ATF2: variants seen among roughly 807,000 people sequenced by gnomAD.
ATF2 encodes the protein activating transcription factor 2.
Under a neutral mutation model 60.6 loss-of-function variants are expected in ATF2, and 24 were observed. The ratio of observed to expected loss-of-function variants is 0.40; its 90% CI spans 0.29 to 0.56. The LOEUF (loss-of-function observed/expected upper bound fraction) is 0.56. Among genes scored for constraint, ATF2 ranks in the 20% least tolerant of loss-of-function variants. The pLI is 0.54. For synonymous variants in ATF2, 206 were observed against 215.4 expected, an observed-to-expected ratio of 0.96 and a Z score of 0.38; for missense variants, 433 against 607.7, an observed-to-expected ratio of 0.71 and a Z score of 3.02.
At chr2:175,111,721 C>A in intron 9 of ATF2, 67 bp from the exon 10 acceptor site, 2 of 1,330,494 alleles carry the variant, frequency 1.5e-6, no homozygotes, top group Non-Finnish European at 2.1e-6. Context: ...TACTTTACTG[C>A]TGTTGTAATA....
chr2:175,150,937 T>C (rs1402373230), intron 2 of ATF2, 123 bp downstream of exon 2: 1 of 152,486 alleles, frequency 6.6e-6, no homozygotes, highest in East Asian at 1.9e-4. Context: ...ACACTATCAA[T>C]ACGGTAGGAC....
At chr2:175,162,182 A>G (rs1175227712) in intron 1 of ATF2, among the ~76,000 whole-genome samples, 3 of 152,264 alleles carry the variant, frequency 2.0e-5, no homozygotes, top group Non-Finnish European at 4.4e-5. Flanking sequence ...AAAAGAAACA[A>G]AGACAGTAAA....
intron 1 of ATF2, among the ~76,000 whole-genome samples, chr2:175,163,919 A>G (rs1328240067): frequency 6.4e-4 from 51 of 80,070 alleles, no homozygotes; most frequent in Non-Finnish European, 2.3e-4. Flanking sequence ...ACTCCGTCTC[A>G]AAAAAAAAAA....
intron 10 of ATF2, among the ~76,000 whole-genome samples, chr2:175,106,189 A>G (rs1416007268): frequency 1.3e-5 from 2 of 152,210 alleles, no homozygotes; most frequent in Non-Finnish European, 2.9e-5. Flanking sequence ...TAGACAGTAG[A>G]AATATACGTA....
chr2:175,099,705 A>G (rs1476641179), intron 10 of ATF2, among the ~76,000 whole-genome samples: 1 of 152,226 alleles, frequency 6.6e-6, no homozygotes, highest in East Asian at 1.9e-4. Context: ...TTTTAATTGT[A>G]TAGTATCCCC....
At chr2:175,106,574 G>A (rs1397952897) in intron 10 of ATF2, among the ~76,000 whole-genome samples, 2 of 151,468 alleles carry the variant, frequency 1.3e-5, no homozygotes, top group Non-Finnish European at 2.9e-5. Flanking sequence ...AGTGACTCAC[G>A]CCTGTAATCC....
chr2:175,089,619 GA>G (rs1694404703), intron 12 of ATF2, among the ~76,000 whole-genome samples: 1 of 152,174 alleles, frequency 6.6e-6, no homozygotes, highest in Non-Finnish European at 1.5e-5. Context: ...TTGGCAGACT[GA>G]AAGAAATTTT....
At chr2:175,153,128 T>A (rs1398018314) in intron 1 of ATF2, among the ~76,000 whole-genome samples, 1 of 152,198 alleles carries the variant, frequency 6.6e-6, no homozygotes. Flanking sequence ...GATAGCCAGT[T>A]GTAACTGGCC....
chr2:175,087,556 G>T (rs1379536165), intron 12 of ATF2, among the ~76,000 whole-genome samples: 1 of 152,112 alleles, frequency 6.6e-6, no homozygotes, highest in Non-Finnish European at 1.5e-5. Flanking sequence ...ATTTGGCCAT[G>T]AATATCAGGT....
At position 175,074,147 on chromosome 2, in the gene ATF2, T is replaced by A. The variant is rs1364961991; in HGVS notation, c.*462A>T. 3 of 152,596 alleles carry A rather than the reference T, an allele frequency of 2.0e-5. No homozygotes were observed. The highest frequency in any genetic ancestry group is 4.4e-5 in the Non-Finnish European group (3 of 68,336). The allele number at this position is 152,596 out of a possible 1,614,324, so 9.5% of individuals were successfully genotyped here. On this transcript the variant is annotated 3_prime_UTR_variant, in exon 14 of 14. Coordinates refer to ENST00000264110, the MANE Select transcript of ATF2 (RefSeq NM_001880.4). ...AAATTTCTATCTTTCTCTTGCCTAGTGCTTTTATGACTCCGTTAACATTAC... is the reference window on the plus strand; with the variant it reads ...AAATTTCTATCTTTCTCTTGCCTAGAGCTTTTATGACTCCGTTAACATTAC...
At chr2:175,157,933 A>G (rs954425661) in intron 1 of ATF2, among the ~76,000 whole-genome samples, 4 of 151,960 alleles carry the variant, frequency 2.6e-5, no homozygotes, top group Non-Finnish European at 5.9e-5. Flanking sequence ...CAGAGGTTGC[A>G]GTGAGCCGAG....
intron 12 of ATF2, among the ~76,000 whole-genome samples, chr2:175,081,267 T>C (rs1013918400): frequency 7.2e-5 from 11 of 152,238 alleles, no homozygotes; most frequent in African/African-American, 2.6e-4. Flanking sequence ...ATACCTAAAA[T>C]TCACTGCAAG....
At position 175,124,536 on chromosome 2, in the gene ATF2, A is replaced by G. The variant is rs1697188942; in HGVS notation, c.103-2996T>C. On this transcript the variant is annotated intron_variant, in intron 4 of 13. Transcript: ENST00000264110. ...TCCATGATATATTATTATTCCTTTTAAACATATTAGATAGACACAAATAAG... is the reference window on the plus strand; with the variant it reads ...TCCATGATATATTATTATTCCTTTTGAACATATTAGATAGACACAAATAAG... Among the ~76,000 whole-genome samples the G allele has an allele frequency of 1.2e-4, 19 of 152,074 alleles. No individual in the cohort carries two copies. The South Asian group carries it at 3.7e-3, about 30-fold the overall frequency.
intron 4 of ATF2, among the ~76,000 whole-genome samples, chr2:175,123,951 G>A (rs950766658): frequency 6.6e-6 from 1 of 152,044 alleles, no homozygotes; most frequent in Non-Finnish European, 1.5e-5. Flanking sequence ...TTAAGACCGT[G>A]TGAAAAGGCA....
In ATF2 at chr2:175,074,513, A is replaced by G. The variant is rs1693146094; in HGVS notation, c.*96T>C. On this transcript the variant is annotated 3_prime_UTR_variant, in exon 14 of 14. Transcript: ENST00000264110. ...TTTCAAGTAAAAAAAAAAAATTTAC[A>G]ACCACAGATTTCGCATAAATGGAAA... 1.4e-6 allele frequency: 2 copies of G among 1,419,146 alleles called. No homozygotes were observed. Among genetic ancestry groups the G allele is most frequent in the Admixed American group, 5.7e-5 (2 of 35,104 alleles). 87.9% of individuals were successfully genotyped at this position (1,419,146 alleles called of 1,614,324 possible). A position where few individuals can be genotyped will look rare whatever the true frequency, so the allele number is the denominator to read the frequency against.
intron 1 of ATF2, among the ~76,000 whole-genome samples, chr2:175,163,736 A>AC (rs1370460001): frequency 1.3e-5 from 2 of 151,798 alleles, no homozygotes; most frequent in Non-Finnish European, 2.9e-5. Flanking sequence ...CAGCCTGGCC[A>AC]ACATGGTGAA....
At chr2:175,082,148 A>G (rs1183146083) in intron 12 of ATF2, among the ~76,000 whole-genome samples, 2 of 152,192 alleles carry the variant, frequency 1.3e-5, no homozygotes, top group African/African-American at 2.4e-5. Flanking sequence ...AAGTTAAGCA[A>G]TCTAAAGGCA....
rs1693191831 is a variant in ATF2, at chr2:175,074,945, T to C, written c.1292-110A>G. 1.6e-5 allele frequency: 25 copies of C among 1,533,828 alleles called. No homozygotes were observed. In the South Asian group the frequency reaches 3.0e-4, roughly 18 times the overall value. On this transcript the variant is annotated intron_variant, in intron 13 of 13. Coordinates refer to ENST00000264110, the MANE Select transcript of ATF2 (RefSeq NM_001880.4). ...GTTAGAAAGTATCTTACAAAACTGA[T>C]TAGACAAGTTGGTATTACAGCAATT... is the stretch of plus-strand genomic sequence containing the variant.
intron 11 of ATF2, among the ~76,000 whole-genome samples, chr2:175,094,969 A>G (rs962522461): frequency 2.0e-5 from 3 of 152,216 alleles, no homozygotes; most frequent in Admixed American, 6.5e-5. Context: ...ATTGTAATAA[A>G]GATTAAGCAT....
Sources: allele counts gnomAD v4.1 joint callset (sites outside exome capture counted in the v4.1 genomes callset), GRCh38; gene constraint gnomAD v4.1.1; transcripts MANE v1.5; gene names NCBI Gene and HGNC (gene_info 2026-07-23, HGNC 2026-07-21).